Variants in EFCAB11 observed in about 807,000 individuals in gnomAD.
EFCAB11 encodes EF-hand calcium-binding domain-containing protein 11.
In EFCAB11, 14 loss-of-function variants were observed where a neutral mutation model predicts 23.0. That is an observed-to-expected ratio of 0.61 (90% CI 0.40 to 0.95). EFCAB11 has a LOEUF of 0.95. EFCAB11 is among the 40% of genes least tolerant of loss of function. The probability of loss-of-function intolerance (pLI) is 0.00; values close to 1 mark genes in which losing one functional copy is unlikely to be tolerated. For synonymous variants in EFCAB11, 65 were observed against 66.6 expected (o/e 0.98, Z 0.11); for missense variants, 198 against 195.8 (o/e 1.01, Z -0.07).
chr14:89,850,363 C>A (rs907364661), intron 5 of EFCAB11, among the ~76,000 whole-genome samples: 2 of 152,184 alleles, frequency 1.3e-5, no homozygotes, highest in Non-Finnish European at 2.9e-5. Flanking sequence ...CTAGACTGTG[C>A]GACCCACAGT....
chr14:89,877,226 G>A (rs1402891971), intron 5 of EFCAB11, among the ~76,000 whole-genome samples: 1 of 152,078 alleles, frequency 6.6e-6, no homozygotes, highest in African/African-American at 2.4e-5. Flanking sequence ...TTTTAGTAGA[G>A]ACGGGGTTTC....
intron 5 of EFCAB11, among the ~76,000 whole-genome samples, chr14:89,909,303 CATG>C (rs1566806763): frequency 6.6e-6 from 1 of 152,176 alleles, no homozygotes; most frequent in East Asian, 1.9e-4. Flanking sequence ...ATCGGCTGGG[CATG>C]ATGACTCACG....
At chr14:89,865,848 A>G (rs1888073863) in intron 5 of EFCAB11, among the ~76,000 whole-genome samples, 1 of 151,876 alleles carries the variant, frequency 6.6e-6, no homozygotes, top group African/African-American at 2.4e-5. Flanking sequence ...ATTTTTTTAA[A>G]CTAGAGATGG....
chr14:89,912,916 C>T (rs7158812), intron 5 of EFCAB11, among the ~76,000 whole-genome samples: 4,769 of 152,312 alleles, frequency 0.031, 123 homozygotes, highest in African/African-American at 0.069. Context: ...GCATAAAGAG[C>T]ACAAGATTTC....
intron 5 of EFCAB11, among the ~76,000 whole-genome samples, chr14:89,930,298 G>C (rs893066767): frequency 2.6e-5 from 4 of 152,132 alleles, no homozygotes; most frequent in Non-Finnish European, 4.4e-5. Flanking sequence ...ATTGAGAAGG[G>C]CTGGCTCTGG....
intron 5 of EFCAB11, among the ~76,000 whole-genome samples, chr14:89,843,866 C>T (rs1887347537): frequency 6.6e-6 from 1 of 152,334 alleles, no homozygotes; most frequent in African/African-American, 2.4e-5. Context: ...GAAAAGCCTT[C>T]ATGTATTGAG....
chr14:89,800,878 A>G (rs2140074336), intron 5 of EFCAB11, among the ~76,000 whole-genome samples: 1 of 152,076 alleles, frequency 6.6e-6, no homozygotes, highest in South Asian at 2.1e-4. Flanking sequence ...CCCCATCTCT[A>G]TTAAAAAGGC....
At chr14:89,874,543 A>T (rs1410851339) in intron 5 of EFCAB11, among the ~76,000 whole-genome samples, 1 of 152,100 alleles carries the variant, frequency 6.6e-6, no homozygotes, top group Non-Finnish European at 1.5e-5. Context: ...CTTCCCTTTT[A>T]AATATAAGTT....
At chr14:89,852,326 T>G (rs905847443) in intron 5 of EFCAB11, among the ~76,000 whole-genome samples, 1 of 152,232 alleles carries the variant, frequency 6.6e-6, no homozygotes, top group African/African-American at 2.4e-5. Context: ...CACACTGTTG[T>G]GGATGCTGTA....
intron 5 of EFCAB11, among the ~76,000 whole-genome samples, chr14:89,905,054 G>A (rs536802549): frequency 6.6e-6 from 1 of 152,076 alleles, no homozygotes; most frequent in African/African-American, 2.4e-5. Context: ...TCCTCCTGCT[G>A]GGAAGAGAGC....
chr14:89,924,088 T>G (rs1002938256), intron 5 of EFCAB11: 1 of 985,496 alleles, frequency 1.0e-6, no homozygotes, highest in Non-Finnish European at 1.2e-6. Flanking sequence ...TATCCATCAC[T>G]CCCTTTTACA....
intron 5 of EFCAB11, among the ~76,000 whole-genome samples, chr14:89,876,666 G>C (rs959523841): frequency 9.9e-5 from 15 of 152,282 alleles, no homozygotes; most frequent in Non-Finnish European, 1.9e-4. Context: ...GAGTTGAAGA[G>C]AAACTTTACC....
intron 5 of EFCAB11, among the ~76,000 whole-genome samples, chr14:89,807,143 C>G (rs1885995724): frequency 6.6e-6 from 1 of 152,174 alleles, no homozygotes; most frequent in Admixed American, 6.5e-5. Context: ...CATTTAATCT[C>G]TTAAGAACAG....
At chr14:89,923,317 G>T (rs1397323728) in intron 5 of EFCAB11, 1 of 152,146 alleles carries the variant, frequency 6.6e-6, no homozygotes, top group East Asian at 1.9e-4. Flanking sequence ...TATCACATGT[G>T]AAAATCCCTA....
At chr14:89,864,384 G>A (rs1888021354) in intron 5 of EFCAB11, among the ~76,000 whole-genome samples, 2 of 152,042 alleles carry the variant, frequency 1.3e-5, no homozygotes, top group South Asian at 2.1e-4. Context: ...TGATGCCCAT[G>A]TTTCTTTCTC....
chr14:89,886,156 C>G (rs1222504301), intron 5 of EFCAB11, among the ~76,000 whole-genome samples: 1 of 152,144 alleles, frequency 6.6e-6, no homozygotes, highest in African/African-American at 2.4e-5. Context: ...TGCTTCTTCC[C>G]TGGGGGACCT....
At position 89,895,934 on chromosome 14, in the gene EFCAB11, T is replaced by C. The variant is rs548047978; in HGVS notation, c.410+35607A>G. ...CATATAAAGAACACATTCAAATCAATAGAAGATGCAATCGAAAAATGGGTA... is the reference window on the plus strand; with the variant it reads ...CATATAAAGAACACATTCAAATCAACAGAAGATGCAATCGAAAAATGGGTA... On this transcript the variant is annotated intron_variant, in intron 5 of 5. Transcript: ENST00000316738. Among the ~76,000 whole-genome samples, 9 of 152,192 alleles carry C rather than the reference T, an allele frequency of 5.9e-5. No individual in the cohort carries two copies. The South Asian group carries it at 1.5e-3, about 25-fold the overall frequency.
intron 5 of EFCAB11, among the ~76,000 whole-genome samples, chr14:89,866,582 C>T (rs1488953304): frequency 6.6e-6 from 1 of 152,162 alleles, no homozygotes; most frequent in East Asian, 1.9e-4. Context: ...ATGCGTCTTG[C>T]CTAAAATGCT....
intron 5 of EFCAB11, among the ~76,000 whole-genome samples, chr14:89,837,875 T>C (rs1049597087): frequency 2.0e-5 from 3 of 151,890 alleles, no homozygotes; most frequent in African/African-American, 7.3e-5. Context: ...TATCAGTTTC[T>C]TTTTTTTCAG....
Sources: gnomAD v4.1 joint callset for allele counts (sites outside exome capture counted in the v4.1 genomes callset) on GRCh38, gnomAD v4.1.1 for gene constraint, MANE v1.5 for transcripts, NCBI Gene and HGNC (gene_info 2026-07-23, HGNC 2026-07-21) for gene names.